Variants in SYMPK observed in about 807,000 individuals in gnomAD.
SYMPK encodes symplekin scaffold protein.
Under a neutral mutation model 136.4 loss-of-function variants are expected in SYMPK, and 49 were observed. That is an observed-to-expected ratio of 0.36 (90% CI 0.29 to 0.46). SYMPK has a LOEUF of 0.46. Ranked by LOEUF, SYMPK falls within the 20% of genes least tolerant of loss-of-function variation. The probability of loss-of-function intolerance (pLI) is 1.00; values close to 1 mark genes in which losing one functional copy is unlikely to be tolerated. For missense variants in SYMPK, 1,365 were observed against 1,690.0 expected, an observed-to-expected ratio of 0.81 and a Z score of 3.37; for synonymous variants, 766 against 713.0, an observed-to-expected ratio of 1.07 and a Z score of -1.19.
intron 25 of SYMPK, 49 bp downstream of exon 25, chr19:45,816,433 A>AG: frequency 6.7e-7 from 1 of 1,501,670 alleles, no homozygotes; most frequent in South Asian, 1.2e-5. Context: ...GGCTTGGGGT[A>AG]GGGGGTGGGA....
rs1000882525 is a variant in SYMPK at position 45,844,012 on chromosome 19, G to T, written c.847+18C>A. 2 of 1,476,434 alleles carry T rather than the reference G, an allele frequency of 1.4e-6. No individual in the cohort carries two copies. The highest frequency in any genetic ancestry group is 5.2e-5 in the East Asian group (2 of 38,618). The allele number at this position is 1,476,434 out of a possible 1,614,324, so 91.5% of individuals were successfully genotyped here. A position where few individuals can be genotyped will look rare whatever the true frequency, so the allele number is the denominator to read the frequency against. ...CAGTGAAGAGAAGGCAGGGGGAGGG[G>T]GGAGGACAATGACCTACCATGCAGA... is the stretch of plus-strand genomic sequence containing the variant. On this transcript the variant is annotated intron_variant, in intron 8 of 26. Coordinates refer to ENST00000245934, the MANE Select transcript of SYMPK (RefSeq NM_004819.3).
intron 23 of SYMPK, among the ~76,000 whole-genome samples, chr19:45,817,413 TTC>T (rs754419659): frequency 8.2e-6 from 1 of 122,372 alleles, no homozygotes; most frequent in Admixed American, 9.6e-5. Flanking sequence ...GGTTTTTTTG[TTC>T]TCTTTTTTTT....
intron 9 of SYMPK, among the ~76,000 whole-genome samples, chr19:45,839,735 G>C (rs1971391279): frequency 6.6e-6 from 1 of 152,112 alleles, no homozygotes; most frequent in Non-Finnish European, 1.5e-5. Flanking sequence ...GGGAGGCTGA[G>C]GCAGGAGAAT....
Position 45,815,623 on chromosome 19 carries a change from A to G in SYMPK, c.3762T>C (p.Ala1254=), listed in dbSNP as rs759961390. 3 of 1,606,978 alleles carry G rather than the reference A, an allele frequency of 1.9e-6. No homozygotes were observed. The highest frequency in any genetic ancestry group is 2.5e-6 in the Non-Finnish European group (3 of 1,178,632). ...CGGCAGCCGGGCTGGGAGTCTTCATAGCATCTTCTCCAACAGGTGCGAGGG... is the reference window on the plus strand; with the variant it reads ...CGGCAGCCGGGCTGGGAGTCTTCATGGCATCTTCTCCAACAGGTGCGAGGG... The part of the protein sequence containing the change: ...PQTLAPVGED[A]MKTPSPAAED... Residue 1254 remains alanine, a synonymous_variant, in exon 27 of 27, where the codon GCT becomes GCC. Transcript: ENST00000245934.
Position 45,844,038 on chromosome 19 carries a change from G to T in SYMPK, c.839C>A (p.Thr280Asn). The part of the protein sequence containing the change: ...FMSEVIQAYE[T>N]LHANLPPTLA... Reference sequence around the variant, plus strand: ...GGAGGACAATGACCTACCATGCAGAGTTTCATAGGCCTGGATCACCTCAGA... The same window carrying T: ...GGAGGACAATGACCTACCATGCAGATTTTCATAGGCCTGGATCACCTCAGA... Residue 280 changes from threonine (T) to asparagine (N), a missense_variant, in exon 8 of 27, where the codon ACT (threonine) becomes AAT (asparagine). Thr to Asn is a moderately conservative substitution (Grantham distance 65). Coordinates refer to ENST00000245934, the MANE Select transcript of SYMPK (RefSeq NM_004819.3). The T allele has an allele frequency of 6.5e-7, 1 of 1,533,708 alleles. No individual in the cohort carries two copies. Among genetic ancestry groups the T allele is most frequent in the Non-Finnish European group, 8.8e-7 (1 of 1,132,752 alleles).
intron 13 of SYMPK, 101 bp downstream of exon 13, chr19:45,829,953 C>G: frequency 7.3e-7 from 1 of 1,377,426 alleles, no homozygotes; most frequent in Non-Finnish European, 9.7e-7. Context: ...GGGTCCGCAG[C>G]CAGGGAGGTT....
intron 17 of SYMPK, 22 bp downstream of exon 17, chr19:45,826,204 C>A: frequency 6.2e-7 from 1 of 1,604,250 alleles, no homozygotes; most frequent in Non-Finnish European, 8.5e-7. Context: ...GCTCAGTATG[C>A]ATCTGATGAC....
intron 13 of SYMPK, 49 bp from the exon 14 acceptor site, chr19:45,829,254 G>A (rs1389060056): frequency 3.9e-6 from 6 of 1,530,868 alleles, no homozygotes; most frequent in Non-Finnish European, 5.4e-6. Flanking sequence ...GCAATCCAGG[G>A]ACTCCGCAAT....
At position 45,829,949 on chromosome 19, in the gene SYMPK, G is replaced by A; in HGVS notation, c.1749+105C>T. ...GCTGTGGGCAGCAGAGCTGGGGTCC[G>A]CAGCCAGGGAGGTTTGACGCCAGGG... On this transcript the variant is annotated intron_variant, in intron 13 of 26. Coordinates refer to ENST00000245934, the MANE Select transcript of SYMPK (RefSeq NM_004819.3). The A allele has an allele frequency of 6.7e-6, 9 of 1,341,172 alleles. 1 individual carries two copies. Among genetic ancestry groups the A allele is most frequent in the South Asian group, 1.5e-5 (1 of 68,634 alleles). The allele number at this position is 1,341,172 out of a possible 1,614,324, so 83.1% of individuals were successfully genotyped here.
intron 14 of SYMPK, chr19:45,828,200 C>T (rs538896468): frequency 1.4e-4 from 52 of 382,006 alleles, no homozygotes; most frequent in African/African-American, 3.5e-4. Flanking sequence ...GGAATGATGG[C>T]GGGTGGAGAA....
At position 45,842,136 on chromosome 19, in the gene SYMPK, C is replaced by A. The variant is rs1488451756; in HGVS notation, c.1087+114G>T. On this transcript the variant is annotated intron_variant, in intron 9 of 26. Transcript: ENST00000245934. ...CAGGTGTGAGCCACTGTGCCTGGCC[C>A]ACATAACATAATCTATAATATAATC... 3.3e-6 allele frequency: 5 copies of A among 1,499,526 alleles called. No homozygotes were observed. In the South Asian group the frequency reaches 5.1e-5, roughly 15 times the overall value. The allele number at this position is 1,499,526 out of a possible 1,614,324, so 92.9% of individuals were successfully genotyped here.
intron 9 of SYMPK, among the ~76,000 whole-genome samples, chr19:45,839,857 AAC>A (rs1223098074): frequency 6.6e-6 from 1 of 151,244 alleles, no homozygotes; most frequent in Non-Finnish European, 1.5e-5. Flanking sequence ...AAAACAAAAA[AAC>A]ACAAAAAAAC....
chr19:45,816,729 G>A (rs1970750915), intron 24 of SYMPK, 69 bp downstream of exon 24: 3 of 1,477,080 alleles, frequency 2.0e-6, no homozygotes, highest in African/African-American at 1.4e-5. Flanking sequence ...CCAACCAGAG[G>A]GACCCAGGGG....
In SYMPK at chr19:45,823,492, G is replaced by A; in HGVS notation, c.2600-20C>T. On this transcript the variant is annotated intron_variant, in intron 19 of 26. Coordinates refer to ENST00000245934, the MANE Select transcript of SYMPK (RefSeq NM_004819.3). ...GTGGGACTGCATGGAAGCAGCAGGA[G>A]GCACCAAGTTGGAGGCGGAGGGGAG... 6.2e-7 allele frequency: 1 copy of A among 1,611,374 alleles called. No homozygotes were observed.
chr19:45,842,201 G>T, intron 9 of SYMPK, 49 bp downstream of exon 9: 2 of 1,609,604 alleles, frequency 1.2e-6, no homozygotes, highest in East Asian at 4.5e-5. Context: ...GGTAAATAAT[G>T]AAACATTTCA....
Position 45,815,568 on chromosome 19 carries a change from T to C in SYMPK, c.3817A>G (p.Asn1273Asp). The change falls in exon 27 of 27, where the codon AAC (asparagine) becomes GAC (aspartate). Residue 1273 changes from asparagine to aspartate, a missense_variant. Asn to Asp is a conservative substitution (Grantham distance 23, BLOSUM62 1). Coordinates refer to ENST00000245934, the MANE Select transcript of SYMPK (RefSeq NM_004819.3). Reference sequence around the variant, plus strand: ...TTCCCCCTCGAGCCCCGTCAGCTGTTCCCCTTGGCCTCGGGTTCCCTGGCG... The same window carrying C: ...TTCCCCCTCGAGCCCCGTCAGCTGTCCCCCTTGGCCTCGGGTTCCCTGGCG... ...EDAREPEAKG[N>D]S 6.3e-7 allele frequency: 1 copy of C among 1,586,088 alleles called. No homozygotes were observed. Among genetic ancestry groups the C allele is most frequent in the East Asian group, 2.3e-5 (1 of 43,344 alleles).
chr19:45,827,870 G>A lies in SYMPK; in HGVS notation c.2034C>T (p.Ala678=). Residue 678 remains alanine, a synonymous_variant, in exon 15 of 27, where the codon GCC becomes GCT. Coordinates refer to ENST00000245934, the MANE Select transcript of SYMPK (RefSeq NM_004819.3). ...CGCAGTACTTGCGGACCACCTCCAG[G>A]GCACTCTCTGTGATGAGTGGCGCCT... The part of the protein sequence containing the change: ...VLEAPLITES[A]LEVVRKYCED... 1.9e-6 allele frequency: 3 copies of A among 1,614,030 alleles called. No homozygotes were observed. Among genetic ancestry groups the A allele is most frequent in the Non-Finnish European group, 2.5e-6 (3 of 1,180,020 alleles).
chr19:45,850,068 C>CA (rs895193508), intron 5 of SYMPK, among the ~76,000 whole-genome samples: 45 of 149,346 alleles, frequency 3.0e-4, no homozygotes, highest in South Asian at 1.3e-3. Context: ...AAAACAAAAA[C>CA]AAAAAAAAAC....
chr19:45,835,967 G>A (rs1434205212), intron 10 of SYMPK, among the ~76,000 whole-genome samples: 1 of 152,006 alleles, frequency 6.6e-6, no homozygotes, highest in Non-Finnish European at 1.5e-5. Flanking sequence ...TCAGTGAAGA[G>A]TGTTAGGACT....
Sources: allele counts gnomAD v4.1 joint callset (sites outside exome capture counted in the v4.1 genomes callset), GRCh38; gene constraint gnomAD v4.1.1; transcripts MANE v1.5; gene names NCBI Gene and HGNC (gene_info 2026-07-23, HGNC 2026-07-21).